Variants in KAT2B observed in about 807,000 individuals in gnomAD.
KAT2B encodes the protein lysine acetyltransferase 2B, also known as histone acetyltransferase KAT2B.
In KAT2B, 36 loss-of-function variants were observed where a neutral mutation model predicts 105.9. The observed-to-expected ratio is 0.34, with a 90% confidence interval of 0.26 to 0.45. KAT2B has a LOEUF of 0.45. Ranked by LOEUF, KAT2B falls within the 20% of genes least tolerant of loss-of-function variation. The probability of loss-of-function intolerance (pLI) is 1.00; values close to 1 mark genes in which losing one functional copy is unlikely to be tolerated. For missense variants in KAT2B, 820 were observed against 1,021.6 expected (o/e 0.80, Z 2.69); for synonymous variants, 397 against 377.9 (o/e 1.05, Z -0.59).
intron 2 of KAT2B, among the ~76,000 whole-genome samples, chr3:20,080,494 A>G (rs761104242): frequency 2.0e-5 from 3 of 152,158 alleles, no homozygotes; most frequent in African/African-American, 4.8e-5. Flanking sequence ...TTATATACCA[A>G]TCTGTACTGA....
At chr3:20,122,999 T>A in intron 9 of KAT2B, 195 bp downstream of exon 9, 1 of 956,198 alleles carries the variant, frequency 1.0e-6, no homozygotes, top group East Asian at 1.2e-4. Context: ...GAATATCACA[T>A]CACAGGTCCA....
At chr3:20,061,937 A>T (rs1281638773) in intron 1 of KAT2B, among the ~76,000 whole-genome samples, 2 of 110,854 alleles carry the variant, frequency 1.8e-5, no homozygotes, top group African/African-American at 4.0e-5. Flanking sequence ...CATATATAAA[A>T]CATAATATAT....
At chr3:20,069,582 A>G (rs1188287182) in intron 1 of KAT2B, among the ~76,000 whole-genome samples, 4 of 149,976 alleles carry the variant, frequency 2.7e-5, no homozygotes, top group Admixed American at 6.7e-5. Flanking sequence ...CTGGAGTGCA[A>G]TGGCGCAATC....
chr3:20,118,804 AATATATATTAT>A (rs1373505887), intron 7 of KAT2B, among the ~76,000 whole-genome samples: 1 of 148,256 alleles, frequency 6.7e-6, no homozygotes, highest in Non-Finnish European at 1.5e-5. Context: ...TATAAATACA[AATATATATTAT>A]ATATATTTTT....
intron 1 of KAT2B, among the ~76,000 whole-genome samples, chr3:20,049,102 C>T (rs1326025792): frequency 2.6e-5 from 4 of 151,922 alleles, no homozygotes; most frequent in Admixed American, 6.6e-5. Flanking sequence ...CCTCGTGATC[C>T]GCCCACCTTG....
intron 7 of KAT2B, among the ~76,000 whole-genome samples, chr3:20,117,403 G>A (rs892675361): frequency 2.0e-5 from 3 of 152,194 alleles, no homozygotes; most frequent in African/African-American, 7.2e-5. Context: ...CGATGCAACT[G>A]TGATAAATGA....
intron 2 of KAT2B, among the ~76,000 whole-genome samples, chr3:20,088,156 G>T (rs4020098): frequency 0.47 from 70,763 of 152,032 alleles, 18,455 homozygotes; most frequent in African/African-American, 0.7. Context: ...ATTTGTTGGG[G>T]TGGACACTTA....
intron 8 of KAT2B, among the ~76,000 whole-genome samples, chr3:20,122,323 A>T (rs563908849): frequency 1.3e-5 from 2 of 152,248 alleles, no homozygotes; most frequent in Admixed American, 6.5e-5. Flanking sequence ...TGTCATATGG[A>T]CCATGTTCTC....
At chr3:20,151,269 T>C (rs1180843860) in intron 17 of KAT2B, among the ~76,000 whole-genome samples, 1 of 152,218 alleles carries the variant, frequency 6.6e-6, no homozygotes, top group African/African-American at 2.4e-5. Context: ...TTTGATGCTT[T>C]TGTGGTGGAT....
intron 4 of KAT2B, chr3:20,101,040 C>T (rs1698900951): frequency 2.1e-6 from 1 of 480,714 alleles, no homozygotes; most frequent in Non-Finnish European, 3.7e-6. Context: ...CTTAATGCTT[C>T]AGGATTTCAG....
chr3:20,072,084 G>A (rs549500947), intron 1 of KAT2B, among the ~76,000 whole-genome samples: 2 of 152,304 alleles, frequency 1.3e-5, no homozygotes, highest in East Asian at 3.9e-4. Context: ...AGCAAAGTGT[G>A]TGGGTCAGCT....
intron 17 of KAT2B, 83 bp from the exon 18 acceptor site, chr3:20,152,249 A>G: frequency 3.4e-6 from 3 of 886,008 alleles, no homozygotes; most frequent in East Asian, 2.5e-5. Flanking sequence ...AACCAACAAC[A>G]TAGATTCCTT....
At chr3:20,051,041 A>G (rs1050766347) in intron 1 of KAT2B, among the ~76,000 whole-genome samples, 1 of 151,804 alleles carries the variant, frequency 6.6e-6, no homozygotes, top group Admixed American at 6.6e-5. Flanking sequence ...TTTCTACTAA[A>G]ATACAAAAAT....
chr3:20,148,134 C>A (rs1699809440), intron 15 of KAT2B, 109 bp from the exon 16 acceptor site: 3 of 1,351,362 alleles, frequency 2.2e-6, no homozygotes, highest in South Asian at 2.4e-5. Flanking sequence ...CTAAAACATT[C>A]TGGAATGGTT....
intron 13 of KAT2B, among the ~76,000 whole-genome samples, chr3:20,143,642 T>A (rs961774448): frequency 1.3e-5 from 2 of 152,068 alleles, no homozygotes; most frequent in Non-Finnish European, 2.9e-5. Context: ...CAGGTGCCCA[T>A]CAAAGGTAGA....
chr3:20,089,990 A>G (rs1248898809), intron 2 of KAT2B, among the ~76,000 whole-genome samples: 1 of 149,762 alleles, frequency 6.7e-6, no homozygotes, highest in Non-Finnish European at 1.5e-5. Flanking sequence ...TAAAAAACAA[A>G]CAAACAAAAA....
intron 1 of KAT2B, among the ~76,000 whole-genome samples, chr3:20,062,200 T>TATAAAAA (rs1491542109): frequency 0.1 from 4,972 of 48,302 alleles, 361 homozygotes; most frequent in East Asian, 0.16. Context: ...AATATATATA[T>TATAAAAA]TTTATATAAA....
intron 1 of KAT2B, among the ~76,000 whole-genome samples, chr3:20,054,443 A>G (rs1345857381): frequency 6.6e-6 from 1 of 152,152 alleles, no homozygotes; most frequent in Non-Finnish European, 1.5e-5. Flanking sequence ...TTTTGGAAAA[A>G]AGTGTGAATA....
chr3:20,100,116 T>C (rs753546821), intron 4 of KAT2B, among the ~76,000 whole-genome samples, 162 bp downstream of exon 4: 14 of 152,186 alleles, frequency 9.2e-5, no homozygotes, highest in Non-Finnish European at 1.0e-4. Flanking sequence ...CAGAGGTGTA[T>C]ACCTAATTTA....
Sources: gnomAD v4.1 joint callset for allele counts (sites outside exome capture counted in the v4.1 genomes callset) on GRCh38, gnomAD v4.1.1 for gene constraint, MANE v1.5 for transcripts, NCBI Gene and HGNC (gene_info 2026-07-23, HGNC 2026-07-21) for gene names.